ZDHHC13: variants seen among roughly 807,000 people sequenced by gnomAD.
The protein encoded by ZDHHC13 is zDHHC palmitoyltransferase 13.
ZDHHC13 carries 85 observed loss-of-function variants against 86.0 expected under a neutral mutation model. The ratio of observed to expected loss-of-function variants is 0.99; its 90% CI spans 0.83 to 1.18. ZDHHC13 has a LOEUF of 1.18. ZDHHC13 is among the 50% of genes most tolerant of loss of function. The pLI, the probability that ZDHHC13 is intolerant of heterozygous loss-of-function variation, is 0.00. For missense variants in ZDHHC13, 711 were observed against 730.2 expected (o/e 0.97, Z 0.30); for synonymous variants, 263 against 246.4 (o/e 1.07, Z -0.63).
chr11:19,149,341 GA>G lies in ZDHHC13; in HGVS notation c.519+13del, dbSNP rs751433847. 9 of 1,568,618 alleles carry G rather than the reference GA, an allele frequency of 5.7e-6. No homozygotes were observed. Among genetic ancestry groups the G allele is most frequent in the Non-Finnish European group, 7.8e-6 (9 of 1,151,728 alleles). On this transcript the variant is annotated intron_variant, in intron 5 of 16. Transcript: ENST00000446113. ...CATCTCAAAGGGACAGGTATGTTCT[GA>G]AATGTGTCTTATACTCCAGTTTTTA...
chr11:19,145,356 C>G (rs1270697667), intron 2 of ZDHHC13, among the ~76,000 whole-genome samples: 1 of 152,162 alleles, frequency 6.6e-6, no homozygotes, highest in Non-Finnish European at 1.5e-5. Flanking sequence ...GTATTTCACT[C>G]TCTGTCCTCA....
chr11:19,141,264 A>G (rs190051834), intron 1 of ZDHHC13, among the ~76,000 whole-genome samples: 63 of 152,264 alleles, frequency 4.1e-4, no homozygotes, highest in Middle Eastern at 3.4e-3. Flanking sequence ...CAAAGATATC[A>G]CTGTGATTAG....
chr11:19,158,442 T>G (rs571378246), intron 9 of ZDHHC13, among the ~76,000 whole-genome samples: 8 of 152,276 alleles, frequency 5.3e-5, no homozygotes, highest in African/African-American at 1.9e-4. Flanking sequence ...AAGTGTCTAC[T>G]TCTCAAGCTG....
chr11:19,175,979 T>C lies in ZDHHC13; in HGVS notation c.*19T>C. Reference sequence around the variant, plus strand: ...AGTATGAAGAAAAGCAACCCAAAACTCTCAATCTGATTTGTTTTTGTTTAT... The same window carrying C: ...AGTATGAAGAAAAGCAACCCAAAACCCTCAATCTGATTTGTTTTTGTTTAT... On this transcript the variant is annotated 3_prime_UTR_variant, in exon 17 of 17. Coordinates refer to ENST00000446113, the MANE Select transcript of ZDHHC13 (RefSeq NM_019028.3). 1 of 1,581,632 alleles carries C rather than the reference T, an allele frequency of 6.3e-7. No homozygotes were observed. Among genetic ancestry groups the C allele is most frequent in the Non-Finnish European group, 8.5e-7 (1 of 1,169,594 alleles).
At position 19,155,259 on chromosome 11, in the gene ZDHHC13, G is replaced by A. The variant is rs576820254; in HGVS notation, c.874-537G>A. On this transcript the variant is annotated intron_variant, in intron 8 of 16. Coordinates refer to ENST00000446113, the MANE Select transcript of ZDHHC13 (RefSeq NM_019028.3). ...GTTTTCTAAAAGACCACCATTTCTT[G>A]TAGAGAAGAAAACAAAACAAAATAT... Among the ~76,000 whole-genome samples the A allele has an allele frequency of 1.6e-4, 25 of 152,240 alleles. No individual in the cohort carries two copies. The South Asian group carries it at 5.2e-3, about 32-fold the overall frequency.
intron 1 of ZDHHC13, among the ~76,000 whole-genome samples, chr11:19,141,962 A>G (rs1180681133): frequency 6.6e-6 from 1 of 152,146 alleles, no homozygotes; most frequent in Admixed American, 6.5e-5. Context: ...ACAAATTACC[A>G]CGCATTTAGT....
chr11:19,139,959 AC>A (rs1181880438), intron 1 of ZDHHC13, among the ~76,000 whole-genome samples: 1 of 147,544 alleles, frequency 6.8e-6, no homozygotes, highest in Non-Finnish European at 1.5e-5. Flanking sequence ...AACCATAAAA[AC>A]CCTAGAAGAA....
intron 1 of ZDHHC13, among the ~76,000 whole-genome samples, chr11:19,129,333 T>G (rs1324681708): frequency 6.6e-6 from 1 of 152,276 alleles, no homozygotes; most frequent in East Asian, 1.9e-4. Flanking sequence ...TTGTTTCCAG[T>G]CTTGGAGTAA....
chr11:19,159,238 CAGTA>C (rs965655089), intron 10 of ZDHHC13, among the ~76,000 whole-genome samples, 198 bp downstream of exon 10: 10 of 151,986 alleles, frequency 6.6e-5, no homozygotes, highest in Non-Finnish European at 1.2e-4. Flanking sequence ...ATTATGGAAA[CAGTA>C]AGTATCTAGT....
At chr11:19,163,603 A>G (rs1849973441) in intron 11 of ZDHHC13, among the ~76,000 whole-genome samples, 176 bp downstream of exon 11, 1 of 152,140 alleles carries the variant, frequency 6.6e-6, no homozygotes, top group Non-Finnish European at 1.5e-5. Context: ...TGAAAGTTTT[A>G]ACACATATTT....
At chr11:19,157,527 A>G (rs953572752) in intron 9 of ZDHHC13, among the ~76,000 whole-genome samples, 12 of 152,220 alleles carry the variant, frequency 7.9e-5, no homozygotes, top group Admixed American at 7.8e-4. Context: ...GAAAACTCAA[A>G]TTTCTGAAAA....
rs866484687 is a variant in ZDHHC13, at chr11:19,149,063, C to A, written c.375-124C>A. On this transcript the variant is annotated intron_variant, in intron 4 of 16. Coordinates refer to ENST00000446113, the MANE Select transcript of ZDHHC13 (RefSeq NM_019028.3). ...GGACAATCACCATTGTTTCAAAAAT[C>A]TTACTGTTAGGAAATATTTTTTATA... The A allele has an allele frequency of 1.6e-5, 14 of 890,094 alleles. No homozygotes were observed. The African/African-American group carries it at 1.9e-4, about 12-fold the overall frequency. 55.1% of individuals were successfully genotyped at this position (890,094 alleles called of 1,614,324 possible). A position where few individuals can be genotyped will look rare whatever the true frequency, so the allele number is the denominator to read the frequency against.
Position 19,163,351 on chromosome 11 carries a change from C to T in ZDHHC13, c.1157C>T (p.Ala386Val), listed in dbSNP as rs1414910473. 6.2e-7 allele frequency: 1 copy of T among 1,604,144 alleles called. No homozygotes were observed. Among genetic ancestry groups the T allele is most frequent in the Non-Finnish European group, 8.5e-7 (1 of 1,175,452 alleles). ...FYFSFIFSIV[A>V]FLYFFYKTWA... is the part of the protein sequence containing the mutation. Reference sequence around the variant, plus strand: ...TTCAGTTTCATTTTCAGCATAGTAGCCTTTCTATACTTTTTCTATAAGACT... The same window carrying T: ...TTCAGTTTCATTTTCAGCATAGTAGTCTTTCTATACTTTTTCTATAAGACT... The change falls in exon 11 of 17, where the codon GCC becomes GTC. Residue 386 changes from alanine (A) to valine (V), a missense_variant. Ala to Val is a moderately conservative substitution (Grantham distance 64, BLOSUM62 0). Coordinates refer to ENST00000446113, the MANE Select transcript of ZDHHC13 (RefSeq NM_019028.3).
At chr11:19,134,408 G>C (rs974160354) in intron 1 of ZDHHC13, among the ~76,000 whole-genome samples, 25 of 152,080 alleles carry the variant, frequency 1.6e-4, no homozygotes, top group African/African-American at 6.0e-4. Flanking sequence ...ACATGTACAC[G>C]TATGTTTATT....
In ZDHHC13 at chr11:19,175,974, A is replaced by G; in HGVS notation, c.*14A>G. On this transcript the variant is annotated 3_prime_UTR_variant, in exon 17 of 17. Coordinates refer to ENST00000446113, the MANE Select transcript of ZDHHC13 (RefSeq NM_019028.3). ...CGCTCAGTATGAAGAAAAGCAACCCAAAACTCTCAATCTGATTTGTTTTTG... is the reference window on the plus strand; with the variant it reads ...CGCTCAGTATGAAGAAAAGCAACCCGAAACTCTCAATCTGATTTGTTTTTG... 3.8e-6 allele frequency: 6 copies of G among 1,588,024 alleles called. No homozygotes were observed. The highest frequency in any genetic ancestry group is 5.1e-6 in the Non-Finnish European group (6 of 1,172,198).
chr11:19,174,628 T>C (rs985349314), intron 16 of ZDHHC13, among the ~76,000 whole-genome samples: 5 of 152,254 alleles, frequency 3.3e-5, no homozygotes, highest in Non-Finnish European at 5.9e-5. Context: ...TGAGCATTTC[T>C]CATAACTGGA....
intron 14 of ZDHHC13, chr11:19,167,109 A>G (rs1850092789): frequency 6.6e-6 from 1 of 152,208 alleles, no homozygotes; most frequent in African/African-American, 2.4e-5. Flanking sequence ...TAACTGGAAA[A>G]ACCTATAGTG....
intron 8 of ZDHHC13, among the ~76,000 whole-genome samples, chr11:19,154,251 A>G (rs1224281707): frequency 1.3e-5 from 2 of 152,176 alleles, no homozygotes; most frequent in Non-Finnish European, 2.9e-5. Context: ...TATGCCCTCA[A>G]GTATTTGTTG....
Position 19,169,395 on chromosome 11 carries a change from T to C in ZDHHC13, c.1475-1016T>C, listed in dbSNP as rs773636752. 11 of 985,294 alleles carry C rather than the reference T, an allele frequency of 1.1e-5. No individual in the cohort carries two copies. The South Asian group carries it at 1.9e-4, about 17-fold the overall frequency. 61.0% of individuals were successfully genotyped at this position (985,294 alleles called of 1,614,324 possible). On this transcript the variant is annotated intron_variant, in intron 14 of 16. Transcript: ENST00000446113. ...GCTTCTGGCATATATTCATGAAAGATGGTTGGGAATCAGAGACTTAAAGAG... is the reference window on the plus strand; with the variant it reads ...GCTTCTGGCATATATTCATGAAAGACGGTTGGGAATCAGAGACTTAAAGAG...
Sources: allele counts gnomAD v4.1 joint callset (sites outside exome capture counted in the v4.1 genomes callset), GRCh38; gene constraint gnomAD v4.1.1; transcripts MANE v1.5; gene names NCBI Gene and HGNC (gene_info 2026-07-23, HGNC 2026-07-21).